The following OXR1 variants were observed in gnomAD, a reference collection of about 807,000 sequenced individuals.
OXR1 encodes the protein oxidation resistance protein 1.
A neutral mutation model predicts 104.6 loss-of-function variants in OXR1; 41 were observed. That is an observed-to-expected ratio of 0.39 (90% CI 0.31 to 0.51). The LOEUF is 0.51. OXR1 is among the 20% of genes least tolerant of loss of function. The pLI is 0.77. For missense variants in OXR1, 955 were observed against 1,031.9 expected (o/e 0.93, Z 1.02); for synonymous variants, 348 against 348.4 (o/e 1.00, Z 0.01).
chr8:106,700,496 G>T (rs1214260314), intron 7 of OXR1, among the ~76,000 whole-genome samples: 2 of 152,146 alleles, frequency 1.3e-5, no homozygotes, highest in Non-Finnish European at 2.9e-5. Context: ...ATATATCAGT[G>T]TGTCTTTTTA....
At chr8:106,483,801 A>G (rs1450835275) in intron 2 of OXR1, among the ~76,000 whole-genome samples, 1 of 152,054 alleles carries the variant, frequency 6.6e-6, no homozygotes, top group East Asian at 1.9e-4. Flanking sequence ...TTATAAGCTA[A>G]GGGAGACTAT....
chr8:106,673,819 C>G (rs1451840228), intron 3 of OXR1, among the ~76,000 whole-genome samples: 1 of 152,190 alleles, frequency 6.6e-6, no homozygotes, highest in East Asian at 1.9e-4. Flanking sequence ...TTAGAGGATA[C>G]AAGTCCTAAG....
At chr8:106,300,788 T>C (rs1424301676) in intron 1 of OXR1, among the ~76,000 whole-genome samples, 1 of 152,226 alleles carries the variant, frequency 6.6e-6, no homozygotes, top group African/African-American at 2.4e-5. Context: ...CATTATCTTT[T>C]TGAAGAGATT....
intron 2 of OXR1, among the ~76,000 whole-genome samples, chr8:106,450,765 T>C (rs1820267796): frequency 2.5e-5 from 1 of 39,544 alleles, no homozygotes; most frequent in South Asian, 9.6e-4. Flanking sequence ...AAGAGGGTGC[T>C]TTTTTTTTTT....
intron 3 of OXR1, among the ~76,000 whole-genome samples, chr8:106,526,180 A>G (rs1586760029): frequency 6.6e-6 from 1 of 152,198 alleles, no homozygotes; most frequent in African/African-American, 2.4e-5. Context: ...ATCTTATACA[A>G]TTTTTATGGA....
intron 4 of OXR1, among the ~76,000 whole-genome samples, chr8:106,680,604 T>C (rs1828054488): frequency 6.6e-6 from 1 of 152,194 alleles, no homozygotes; most frequent in African/African-American, 2.4e-5. Context: ...TCTGTCTGCT[T>C]TGCTGGGTGT....
intron 1 of OXR1, among the ~76,000 whole-genome samples, chr8:106,285,680 G>A (rs543781539): frequency 1.3e-5 from 2 of 152,100 alleles, no homozygotes; most frequent in African/African-American, 2.4e-5. Context: ...ATTCTGCATC[G>A]TGATGCACTT....
chr8:106,570,156 A>G (rs1462231313), intron 3 of OXR1, among the ~76,000 whole-genome samples: 4 of 152,138 alleles, frequency 2.6e-5, no homozygotes, highest in Admixed American at 1.3e-4. Flanking sequence ...GTGCTTCCTT[A>G]TGTTCTCTGA....
At chr8:106,289,928 G>A (rs1470304525) in intron 1 of OXR1, among the ~76,000 whole-genome samples, 2 of 152,068 alleles carry the variant, frequency 1.3e-5, no homozygotes, top group Non-Finnish European at 2.9e-5. Context: ...CCTTTGACTG[G>A]CACTTCTCCT....
At chr8:106,287,082 A>G (rs917259025) in intron 1 of OXR1, among the ~76,000 whole-genome samples, 2 of 152,202 alleles carry the variant, frequency 1.3e-5, no homozygotes, top group African/African-American at 4.8e-5. Flanking sequence ...AAGAAAAGAT[A>G]CCCAATACGG....
intron 1 of OXR1, among the ~76,000 whole-genome samples, chr8:106,339,847 G>T (rs1431005897): frequency 6.6e-6 from 1 of 151,914 alleles, no homozygotes; most frequent in Non-Finnish European, 1.5e-5. Context: ...CTAAGGCAGA[G>T]ACGTTTAGCT....
chr8:106,479,751 A>C (rs565800722), intron 2 of OXR1, among the ~76,000 whole-genome samples: 1 of 152,178 alleles, frequency 6.6e-6, no homozygotes, highest in Non-Finnish European at 1.5e-5. Flanking sequence ...ATATAAATTT[A>C]ATCAATATTC....
intron 3 of OXR1, among the ~76,000 whole-genome samples, chr8:106,526,218 C>G (rs1028293262): frequency 6.6e-6 from 1 of 152,090 alleles, no homozygotes; most frequent in South Asian, 2.1e-4. Context: ...TGTCTCAGCT[C>G]TAACTGGGAA....
At chr8:106,572,892 A>G (rs911990659) in intron 3 of OXR1, among the ~76,000 whole-genome samples, 5 of 152,268 alleles carry the variant, frequency 3.3e-5, no homozygotes, top group Middle Eastern at 3.4e-3. Flanking sequence ...TAATGGAATT[A>G]TGAAGGCTGA....
At chr8:106,280,856 C>A (rs896105763) in intron 1 of OXR1, among the ~76,000 whole-genome samples, 2 of 152,108 alleles carry the variant, frequency 1.3e-5, no homozygotes, top group African/African-American at 4.8e-5. Flanking sequence ...TTGAGAGTAA[C>A]TGGGAGCCTC....
At chr8:106,491,096 C>G (rs1023543731) in intron 2 of OXR1, among the ~76,000 whole-genome samples, 1 of 152,174 alleles carries the variant, frequency 6.6e-6, no homozygotes, top group Non-Finnish European at 1.5e-5. Context: ...CTCGACGCTC[C>G]GCTCAATATG....
chr8:106,463,290 G>A (rs78432616), intron 2 of OXR1, among the ~76,000 whole-genome samples: 1,643 of 152,050 alleles, frequency 0.011, 32 homozygotes, highest in African/African-American at 0.037. Flanking sequence ...TTAATGGGAG[G>A]GGGGTTTATT....
chr8:106,529,468 T>C (rs1294477393), intron 3 of OXR1, among the ~76,000 whole-genome samples: 1 of 152,174 alleles, frequency 6.6e-6, no homozygotes, highest in Non-Finnish European at 1.5e-5. Flanking sequence ...TTATGTAATT[T>C]TAACTAAAAT....
intron 1 of OXR1, among the ~76,000 whole-genome samples, chr8:106,326,969 A>G (rs1247488628): frequency 6.6e-6 from 1 of 152,222 alleles, no homozygotes; most frequent in Non-Finnish European, 1.5e-5. Context: ...TTTATGAGAG[A>G]AATCATTACA....
Sources: allele counts gnomAD v4.1 joint callset (sites outside exome capture counted in the v4.1 genomes callset), GRCh38; gene constraint gnomAD v4.1.1; transcripts MANE v1.5; gene names NCBI Gene and HGNC (gene_info 2026-07-23, HGNC 2026-07-21).